Variants in PCSK6 observed in about 807,000 individuals in gnomAD.
PCSK6 encodes paired basic amino acid cleaving enzyme 4.
In PCSK6, 85 loss-of-function variants were observed where a neutral mutation model predicts 123.3. The ratio of observed to expected loss-of-function variants is 0.69; its 90% CI spans 0.58 to 0.83. The LOEUF is 0.83. PCSK6 is among the 40% of genes least tolerant of loss of function. The pLI, the probability that PCSK6 is intolerant of heterozygous loss-of-function variation, is 0.00. For synonymous variants in PCSK6, 508 were observed against 516.0 expected (o/e 0.98, Z 0.21); for missense variants, 1,191 against 1,282.3 (o/e 0.93, Z 1.09).
At chr15:101,420,097 A>C (rs1322041572) in intron 6 of PCSK6, among the ~76,000 whole-genome samples, 1 of 150,190 alleles carries the variant, frequency 6.7e-6, no homozygotes, top group Non-Finnish European at 1.5e-5. Context: ...AGGCTGAGGC[A>C]GGAGAATTGC....
intron 13 of PCSK6, among the ~76,000 whole-genome samples, chr15:101,364,249 A>G (rs937977923): frequency 6.6e-6 from 1 of 152,214 alleles, no homozygotes; most frequent in Non-Finnish European, 1.5e-5. Flanking sequence ...CAGTGAAAGC[A>G]AACCTTGAGG....
chr15:101,428,466 A>G (rs1048627962), intron 5 of PCSK6, among the ~76,000 whole-genome samples: 1 of 152,204 alleles, frequency 6.6e-6, no homozygotes, highest in East Asian at 1.9e-4. Context: ...CACCTACAAC[A>G]CCATGCTTAC....
intron 21 of PCSK6, among the ~76,000 whole-genome samples, chr15:101,306,109 G>A (rs1480589954): frequency 6.6e-6 from 1 of 151,796 alleles, no homozygotes; most frequent in East Asian, 1.9e-4. Flanking sequence ...TGCTTCCAGG[G>A]TGGAGGGGGC....
chr15:101,390,580 G>A (rs2042204779), intron 8 of PCSK6, among the ~76,000 whole-genome samples: 2 of 152,316 alleles, frequency 1.3e-5, no homozygotes, highest in South Asian at 4.1e-4. Flanking sequence ...AGGGAGCTGA[G>A]GAGTAAGCCA....
At chr15:101,449,300 T>C (rs1212262119) in intron 1 of PCSK6, among the ~76,000 whole-genome samples, 1 of 152,120 alleles carries the variant, frequency 6.6e-6, no homozygotes, top group African/African-American at 2.4e-5. Flanking sequence ...GACAAGAAAA[T>C]AGTTTCTACA....
intron 1 of PCSK6, among the ~76,000 whole-genome samples, chr15:101,484,682 C>T (rs1258638297): frequency 1.3e-5 from 2 of 152,230 alleles, no homozygotes; most frequent in African/African-American, 2.4e-5. Context: ...TGAGCCACCA[C>T]GCCCGGCCTG....
At position 101,407,451 on chromosome 15, in the gene PCSK6, T is replaced by A. The variant is rs1204019654; in HGVS notation, c.824-8875A>T. On this transcript the variant is annotated intron_variant, in intron 6 of 21. Coordinates refer to ENST00000611716, the MANE Select transcript of PCSK6 (RefSeq NM_002570.5). ...GGCGCTACCCAGGGTCTCGGGATAGTAAACTACCCATCAGGAGTGTGCTTT... is the reference window on the plus strand; with the variant it reads ...GGCGCTACCCAGGGTCTCGGGATAGAAAACTACCCATCAGGAGTGTGCTTT... Among the ~76,000 whole-genome samples, 4 of 152,022 alleles carry A rather than the reference T, an allele frequency of 2.6e-5. No homozygotes were observed. The South Asian group carries it at 6.2e-4, about 24-fold the overall frequency.
intron 1 of PCSK6, among the ~76,000 whole-genome samples, chr15:101,446,113 A>T (rs1253557143): frequency 1.3e-5 from 2 of 152,240 alleles, no homozygotes; most frequent in East Asian, 3.9e-4. Flanking sequence ...CCAGAACTCC[A>T]TCTGTTTGGA....
intron 7 of PCSK6, among the ~76,000 whole-genome samples, chr15:101,397,188 G>C (rs2042438497): frequency 1.3e-5 from 2 of 152,160 alleles, no homozygotes; most frequent in Non-Finnish European, 2.9e-5. Context: ...ATTCTGATAA[G>C]AGGAAATTAA....
In PCSK6 at chr15:101,445,158, A is replaced by G. The variant is rs138886703; in HGVS notation, c.298-1498T>C. On this transcript the variant is annotated intron_variant, in intron 1 of 21. Coordinates refer to ENST00000611716, the MANE Select transcript of PCSK6 (RefSeq NM_002570.5). ...TATAGAGCCTAGCTGAGTGTCTAGAACCTAGTGGGCATTCAGCAAATGCTG... is the reference window on the plus strand; with the variant it reads ...TATAGAGCCTAGCTGAGTGTCTAGAGCCTAGTGGGCATTCAGCAAATGCTG... 3.3e-5 allele frequency among the ~76,000 whole-genome samples: 5 copies of G among 152,312 alleles called. No homozygotes were observed. The East Asian group carries it at 7.7e-4, about 24-fold the overall frequency.
At chr15:101,326,776 G>A (rs957684360) in intron 15 of PCSK6, among the ~76,000 whole-genome samples, 3 of 152,224 alleles carry the variant, frequency 2.0e-5, no homozygotes, top group African/African-American at 7.2e-5. Flanking sequence ...GATGGGACTT[G>A]TGAGAGCCTG....
At chr15:101,415,451 AT>A (rs575777497) in intron 6 of PCSK6, among the ~76,000 whole-genome samples, 18 of 152,228 alleles carry the variant, frequency 1.2e-4, no homozygotes, top group Non-Finnish European at 2.4e-4. Context: ...ATATTTTTAC[AT>A]AAAATACTGT....
intron 6 of PCSK6, among the ~76,000 whole-genome samples, chr15:101,409,575 A>G (rs1596305447): frequency 8.2e-6 from 1 of 121,522 alleles, no homozygotes; most frequent in Non-Finnish European, 1.6e-5. Context: ...ACAGAGTAAG[A>G]CTCCGTCTCA....
At chr15:101,424,196 C>T (rs1025466121) in intron 6 of PCSK6, among the ~76,000 whole-genome samples, 4 of 151,030 alleles carry the variant, frequency 2.6e-5, no homozygotes, top group African/African-American at 9.8e-5. Flanking sequence ...GATTATGCCA[C>T]TGCACTCCAA....
rs1191307639 is a variant in PCSK6, at chr15:101,305,126, T to G, written c.*132A>C. ...CCCACCTGGCTTGGGTGCTCAGAGA[T>G]GCTGCTCCTGGGGAGATAAAGCTGT... On this transcript the variant is annotated 3_prime_UTR_variant, in exon 22 of 22. Transcript: ENST00000611716. The surrounding 1 kb of genome is among the most constrained non-coding windows in gnomAD (Gnocchi z 4.8). 14 of 726,998 alleles carry G rather than the reference T, an allele frequency of 1.9e-5. No homozygotes were observed. The highest frequency in any genetic ancestry group is 2.8e-5 in the Non-Finnish European group (12 of 432,872). 45.0% of individuals were successfully genotyped at this position (726,998 alleles called of 1,614,324 possible).
chr15:101,399,417 T>C (rs2141578639), intron 6 of PCSK6, among the ~76,000 whole-genome samples: 1 of 152,156 alleles, frequency 6.6e-6, no homozygotes. Context: ...TCATCTCCAT[T>C]TGGGTTTGGG....
rs924317891 is a variant in PCSK6, at chr15:101,352,396, C to T, written c.1858+13800G>A. Among the ~76,000 whole-genome samples the T allele has an allele frequency of 7.9e-5, 12 of 152,202 alleles. 1 individual carries two copies. The South Asian group carries it at 1.5e-3, about 18-fold the overall frequency. ...ATCTCCTGACCTCGTGATCCACCTG[C>T]CTTGGCCTCCCAAAGTGCTGAGATT... On this transcript the variant is annotated intron_variant, in intron 13 of 21. Transcript: ENST00000611716.
chr15:101,335,216 TC>T (rs904082327), intron 13 of PCSK6, among the ~76,000 whole-genome samples: 6 of 152,226 alleles, frequency 3.9e-5, no homozygotes, highest in Admixed American at 3.9e-4. Flanking sequence ...CACGTTGGCC[TC>T]CCAAAGTGTA....
rs142787572 is a variant in PCSK6, at chr15:101,429,063, C to T, written c.734+924G>A. 5.2e-3 allele frequency among the ~76,000 whole-genome samples: 795 copies of T among 152,312 alleles called. 2 individuals are homozygous for T. The highest frequency in any genetic ancestry group is 8.6e-3 in the Non-Finnish European group (584 of 68,022). On this transcript the variant is annotated intron_variant, in intron 5 of 21. Coordinates refer to ENST00000611716, the MANE Select transcript of PCSK6 (RefSeq NM_002570.5). ...TCCTGCACAGCATTGCCTGCGCACC[C>T]GTTTGTGAATCTCAGAATCAAAGCG...
Sources: allele counts gnomAD v4.1 joint callset (sites outside exome capture counted in the v4.1 genomes callset), GRCh38; gene constraint gnomAD v4.1.1; non-coding constraint Gnocchi (gnomAD v3.1); transcripts MANE v1.5; gene names NCBI Gene and HGNC (gene_info 2026-07-23, HGNC 2026-07-21).